The following NFIB variants were observed in gnomAD, a reference collection of about 807,000 sequenced individuals.
NFIB encodes nuclear factor I B.
In NFIB, 11 loss-of-function variants were observed where a neutral mutation model predicts 61.5. The observed-to-expected ratio is 0.18, with a 90% CI of 0.11 to 0.30. The LOEUF is 0.30. Among genes scored for constraint, NFIB ranks in the 10% least tolerant of loss-of-function variants. The pLI is 1.00. For synonymous variants in NFIB, 260 were observed against 216.5 expected (o/e 1.20, Z -1.76); for missense variants, 471 against 608.9 (o/e 0.77, Z 2.38).
intron 2 of NFIB, among the ~76,000 whole-genome samples, chr9:14,297,612 C>G (rs2059517108): frequency 6.6e-6 from 1 of 152,158 alleles, no homozygotes; most frequent in Non-Finnish European, 1.5e-5. Flanking sequence ...TGCTTTTTTC[C>G]CAGGTTCTAG....
At chr9:14,413,720 C>A in the NFIB span, among the ~76,000 whole-genome samples, 1,299 of 152,248 alleles carry the variant, frequency 8.5e-3, 17 homozygotes, top group African/African-American at 0.03. Context: ...GGACATGGTA[C>A]AGCTATTTTT....
chr9:14,517,967 C>A, the NFIB span, among the ~76,000 whole-genome samples: 1 of 152,148 alleles, frequency 6.6e-6, no homozygotes, highest in African/African-American at 2.4e-5. Context: ...AATACTGCAG[C>A]AACAAAAGAC....
At chr9:14,514,311 C>CACAT in the NFIB span, among the ~76,000 whole-genome samples, 6 of 150,642 alleles carry the variant, frequency 4.0e-5, 1 homozygote, top group East Asian at 9.8e-4. Context: ...CACACACATA[C>CACAT]ACATACATAC....
the NFIB span, among the ~76,000 whole-genome samples, chr9:14,415,375 A>T: frequency 0.025 from 3,838 of 152,282 alleles, 153 homozygotes; most frequent in African/African-American, 0.088. Flanking sequence ...CATGACTTAT[A>T]CCATATACTA....
chr9:14,239,100 G>T (rs2054095879), intron 2 of NFIB, among the ~76,000 whole-genome samples: 1 of 152,160 alleles, frequency 6.6e-6, no homozygotes, highest in African/African-American at 2.4e-5. Flanking sequence ...ATTACATAGG[G>T]ATTCTAAGAA....
At chr9:14,488,977 T>C in the NFIB span, among the ~76,000 whole-genome samples, 2 of 152,256 alleles carry the variant, frequency 1.3e-5, no homozygotes, top group Middle Eastern at 6.8e-3. Flanking sequence ...CATTTGAAAA[T>C]GACATAACAG....
At chr9:14,215,446 G>A (rs1396294405) in intron 2 of NFIB, among the ~76,000 whole-genome samples, 1 of 141,838 alleles carries the variant, frequency 7.1e-6, no homozygotes, top group Non-Finnish European at 1.5e-5. Flanking sequence ...ATTTGGGGGT[G>A]AAAAATTGTC....
rs554849374 is a variant in NFIB at position 14,244,548 on chromosome 9, C to G, written c.562+62441G>C. Among the ~76,000 whole-genome samples, 32 of 152,270 alleles carry G rather than the reference C, an allele frequency of 2.1e-4. 2 individuals are homozygous for G. In the South Asian group the frequency reaches 6.4e-3, roughly 31 times the overall value. On this transcript the variant is annotated intron_variant, in intron 2 of 10. Transcript: ENST00000380953. ...CCGATAACTTTAATCTCCACAATCT[C>G]CATAGACAGATCCCCACCAAAAAAT... is the stretch of plus-strand genomic sequence containing the variant.
chr9:14,342,271 A>G (rs2060961092), intron 1 of NFIB, among the ~76,000 whole-genome samples: 1 of 152,218 alleles, frequency 6.6e-6, no homozygotes, highest in South Asian at 2.1e-4. Flanking sequence ...CATTTGGCTT[A>G]GAAAGAGTAG....
intron 2 of NFIB, among the ~76,000 whole-genome samples, chr9:14,230,009 G>T (rs1414444617): frequency 6.6e-6 from 1 of 152,090 alleles, no homozygotes; most frequent in Non-Finnish European, 1.5e-5. Context: ...CTCCAATGTC[G>T]TTCATGGCTG....
intron 2 of NFIB, among the ~76,000 whole-genome samples, chr9:14,245,716 T>A (rs1356730420): frequency 1.3e-5 from 2 of 151,604 alleles, no homozygotes; most frequent in Admixed American, 6.6e-5. Flanking sequence ...CTACCAAAAA[T>A]AGAAAAATCA....
At chr9:14,280,608 GTCT>G (rs1221615516) in intron 2 of NFIB, among the ~76,000 whole-genome samples, 3 of 152,138 alleles carry the variant, frequency 2.0e-5, no homozygotes, top group Non-Finnish European at 2.9e-5. Flanking sequence ...TCATTGACTA[GTCT>G]TCTCCTGTAA....
intron 1 of NFIB, among the ~76,000 whole-genome samples, chr9:14,345,110 A>C (rs2061003479): frequency 6.6e-6 from 1 of 152,002 alleles, no homozygotes; most frequent in Non-Finnish European, 1.5e-5. Flanking sequence ...GGCCATTAAC[A>C]CACTTTCGCG....
chr9:14,435,876 AG>A, the NFIB span, among the ~76,000 whole-genome samples: 2 of 152,218 alleles, frequency 1.3e-5, 1 homozygote, highest in Non-Finnish European at 2.9e-5. Context: ...GATTTGAAAA[AG>A]GAATAACTTT....
At chr9:14,483,722 TAC>T in the NFIB span, among the ~76,000 whole-genome samples, 1 of 152,186 alleles carries the variant, frequency 6.6e-6, no homozygotes, top group East Asian at 1.9e-4. Context: ...TATCTTTCCT[TAC>T]AGACATTTGA....
chr9:14,335,280 G>A (rs2060872799), intron 1 of NFIB, among the ~76,000 whole-genome samples: 2 of 152,156 alleles, frequency 1.3e-5, no homozygotes, highest in African/African-American at 4.8e-5. Context: ...TTCCAAAAGT[G>A]GCTGTATCAC....
At chr9:14,393,215 A>T (rs1054323738) in intron 1 of NFIB, among the ~76,000 whole-genome samples, 7 of 152,090 alleles carry the variant, frequency 4.6e-5, no homozygotes, top group Admixed American at 4.6e-4. Context: ...TTGTAGTCAT[A>T]TGATCAGAAA....
the NFIB span, among the ~76,000 whole-genome samples, chr9:14,414,865 C>G: frequency 6.6e-6 from 1 of 152,158 alleles, no homozygotes; most frequent in African/African-American, 2.4e-5. Context: ...GGCCTTCTCT[C>G]AAAAAATCCT....
chr9:14,249,624 C>T (rs1468141635), intron 2 of NFIB, among the ~76,000 whole-genome samples: 4 of 149,224 alleles, frequency 2.7e-5, no homozygotes, highest in Non-Finnish European at 5.9e-5. Flanking sequence ...CATTCACTGA[C>T]AATAGTAGAT....
Sources: allele counts gnomAD v4.1 joint callset (sites outside exome capture counted in the v4.1 genomes callset), GRCh38; gene constraint gnomAD v4.1.1; transcripts MANE v1.5; gene names NCBI Gene and HGNC (gene_info 2026-07-23, HGNC 2026-07-21).